Variants in CNIH3 observed in about 807,000 individuals in gnomAD.
CNIH3 encodes the protein cornichon family AMPA receptor auxiliary protein 3.
CNIH3 carries 14 observed loss-of-function variants against 24.1 expected under a neutral mutation model. The observed-to-expected ratio is 0.58, with a 90% CI of 0.38 to 0.91. The LOEUF is 0.91. CNIH3 is among the 40% of genes least tolerant of loss of function. The probability of loss-of-function intolerance (pLI) is 0.00; values close to 1 mark genes in which losing one functional copy is unlikely to be tolerated. For missense variants in CNIH3, 178 were observed against 196.8 expected, an observed-to-expected ratio of 0.90 and a Z score of 0.57; for synonymous variants, 68 against 73.8, an observed-to-expected ratio of 0.92 and a Z score of 0.40.
intron 1 of CNIH3, among the ~76,000 whole-genome samples, chr1:224,450,053 T>C (rs1206460372): frequency 6.6e-6 from 1 of 152,094 alleles, no homozygotes; most frequent in Non-Finnish European, 1.5e-5. Flanking sequence ...TATATATTAT[T>C]GGGAAGCCCC....
At chr1:224,594,319 A>G (rs1681887842) in intron 3 of CNIH3, among the ~76,000 whole-genome samples, 1 of 152,166 alleles carries the variant, frequency 6.6e-6, no homozygotes, top group Admixed American at 6.5e-5. Context: ...AGGTGTGGGA[A>G]CTGGAGCAAA....
chr1:224,535,134 G>A (rs1679233338), intron 2 of CNIH3, among the ~76,000 whole-genome samples: 2 of 152,206 alleles, frequency 1.3e-5, no homozygotes, highest in Admixed American at 6.5e-5. Context: ...GTGAAGTTAA[G>A]GTGAGGTCAT....
chr1:224,601,325 G>C (rs1157620340), intron 3 of CNIH3, among the ~76,000 whole-genome samples: 3 of 152,152 alleles, frequency 2.0e-5, no homozygotes, highest in African/African-American at 4.8e-5. Flanking sequence ...ATGCTTACTA[G>C]AGGTGTTTTT....
At chr1:224,494,853 T>G (rs1299956858) in intron 1 of CNIH3, among the ~76,000 whole-genome samples, 1 of 152,132 alleles carries the variant, frequency 6.6e-6, no homozygotes, top group Admixed American at 6.5e-5. Context: ...CAAAATCAGA[T>G]TATTACACTA....
intron 3 of CNIH3, among the ~76,000 whole-genome samples, chr1:224,723,550 G>A (rs148187579): frequency 3.9e-5 from 6 of 152,328 alleles, no homozygotes; most frequent in East Asian, 3.9e-4. Context: ...GAAGCAGCCC[G>A]TCACTCCTCT....
intron 1 of CNIH3, among the ~76,000 whole-genome samples, chr1:224,662,662 C>G (rs1442785742): frequency 6.6e-6 from 1 of 152,130 alleles, no homozygotes; most frequent in African/African-American, 2.4e-5. Context: ...AAGGCTTGGA[C>G]TTATATACTT....
chr1:224,560,316 G>C (rs183886508), intron 3 of CNIH3, among the ~76,000 whole-genome samples: 10 of 152,288 alleles, frequency 6.6e-5, no homozygotes, highest in South Asian at 2.1e-4. Context: ...TTCCAAAGTG[G>C]TGGAATCATT....
intron 3 of CNIH3, among the ~76,000 whole-genome samples, chr1:224,602,839 G>C (rs1196578778): frequency 1.3e-5 from 2 of 152,202 alleles, no homozygotes; most frequent in Non-Finnish European, 2.9e-5. Context: ...GCAGATAAAG[G>C]CTGGTTAGTA....
At chr1:224,549,607 T>C (rs1679834564) in intron 3 of CNIH3, among the ~76,000 whole-genome samples, 1 of 152,120 alleles carries the variant, frequency 6.6e-6, no homozygotes, top group South Asian at 2.1e-4. Context: ...CGGAATATTA[T>C]AGAAATATCA....
At chr1:224,489,505 G>A (rs1180748722) in intron 1 of CNIH3, among the ~76,000 whole-genome samples, 1 of 152,120 alleles carries the variant, frequency 6.6e-6, no homozygotes. Context: ...AAAATGGGAT[G>A]CTCCCTTAGT....
At chr1:224,552,714 T>A (rs1370050164) in intron 3 of CNIH3, among the ~76,000 whole-genome samples, 9 of 151,558 alleles carry the variant, frequency 5.9e-5, no homozygotes, top group Non-Finnish European at 1.0e-4. Flanking sequence ...TGTATCTCGC[T>A]TAGATATTAT....
intron 2 of CNIH3, among the ~76,000 whole-genome samples, chr1:224,534,686 T>A (rs1253819828): frequency 6.6e-6 from 1 of 152,206 alleles, no homozygotes; most frequent in Non-Finnish European, 1.5e-5. Flanking sequence ...CATGGAGTCC[T>A]TTTCTATAAC....
chr1:224,557,313 G>A (rs1680177539), intron 3 of CNIH3, among the ~76,000 whole-genome samples: 1 of 152,078 alleles, frequency 6.6e-6, no homozygotes, highest in African/African-American at 2.4e-5. Flanking sequence ...CTTCCAAAGT[G>A]CTAGGATTAC....
intron 4 of CNIH3, among the ~76,000 whole-genome samples, chr1:224,572,104 A>G (rs1680842688): frequency 6.6e-6 from 1 of 152,230 alleles, no homozygotes; most frequent in African/African-American, 2.4e-5. Context: ...GATTAACCAC[A>G]CTGCAGAACT....
chr1:224,475,746 A>T (rs7543628), intron 1 of CNIH3, among the ~76,000 whole-genome samples: 81,543 of 151,656 alleles, frequency 0.54, 25,270 homozygotes, highest in East Asian at 0.93. Flanking sequence ...TAAACTATGC[A>T]CTATGAGGCC....
chr1:224,533,157 A>G lies in CNIH3; in HGVS notation n.344-3779A>G, dbSNP rs181452359. Among the ~76,000 whole-genome samples, 27 of 152,214 alleles carry G rather than the reference A, an allele frequency of 1.8e-4. No individual in the cohort carries two copies. The East Asian group carries it at 3.9e-3, about 22-fold the overall frequency. ...TGGAGAGGAGAATTCCAAATAGAGG[A>G]AAATGCTCTGGCAAAGTCATAGAGT... On this transcript the variant is annotated intron_variant and non_coding_transcript_variant, in intron 2 of 2. Coordinates refer to the CNIH3 transcript ENST00000470602.
At chr1:224,535,183 A>T (rs1679235224) in intron 2 of CNIH3, among the ~76,000 whole-genome samples, 1 of 152,212 alleles carries the variant, frequency 6.6e-6, no homozygotes, top group Non-Finnish European at 1.5e-5. Flanking sequence ...ATGTCCTCAT[A>T]AGAAGAGGGG....
At chr1:224,461,474 T>G (rs1189926163) in intron 1 of CNIH3, among the ~76,000 whole-genome samples, 3 of 152,236 alleles carry the variant, frequency 2.0e-5, no homozygotes, top group Non-Finnish European at 2.9e-5. Flanking sequence ...GCACACTTGC[T>G]TCCCTTTGCT....
chr1:224,734,802 G>A, intron 5 of CNIH3, 96 bp downstream of exon 5: 2 of 1,328,804 alleles, frequency 1.5e-6, no homozygotes, highest in Non-Finnish European at 1.1e-6. Flanking sequence ...GAGATGGCGT[G>A]CGAGGGTGGG....
Sources: allele counts gnomAD v4.1 joint callset (sites outside exome capture counted in the v4.1 genomes callset), GRCh38; gene constraint gnomAD v4.1.1; transcripts MANE v1.5; gene names NCBI Gene and HGNC (gene_info 2026-07-23, HGNC 2026-07-21).